CSNK1G1: variants seen among roughly 807,000 people sequenced by gnomAD.
CSNK1G1 encodes casein kinase 1 gamma 1.
A neutral mutation model predicts 59.6 loss-of-function variants in CSNK1G1; 22 were observed. The ratio of observed to expected loss-of-function variants is 0.37; its 90% confidence interval spans 0.26 to 0.53. CSNK1G1 has a LOEUF of 0.53. CSNK1G1 is among the 20% of genes least tolerant of loss of function. CSNK1G1 has a pLI of 0.89. For synonymous variants in CSNK1G1, 179 were observed against 177.1 expected (o/e 1.01, Z -0.08); for missense variants, 384 against 519.5 (o/e 0.74, Z 2.54).
chr15:64,204,736 C>A (rs1260648729), intron 8 of CSNK1G1, 129 bp downstream of exon 8: 8 of 1,146,300 alleles, frequency 7.0e-6, no homozygotes, highest in Non-Finnish European at 1.0e-5. Context: ...GTGATAAAAC[C>A]TACTTTGGTC....
At chr15:64,339,509 C>T (rs542588568) in intron 1 of CSNK1G1, among the ~76,000 whole-genome samples, 7 of 152,184 alleles carry the variant, frequency 4.6e-5, no homozygotes, top group Middle Eastern at 3.4e-3. Flanking sequence ...GACAGGGATT[C>T]GCCATGTTGG....
Position 64,188,423 on chromosome 15 carries a change from T to C in CSNK1G1, c.1108-7969A>G. On this transcript the variant is annotated intron_variant, in intron 10 of 11. Transcript: ENST00000303052. The surrounding 1 kb of genome is among the most constrained non-coding windows in gnomAD (Gnocchi z 4.2). ...CTGCAGCCAAGTGAGACGTTAGGTA[T>C]GAGGTATTGGTCTGCCGGCTGGGCT... 6.5e-7 allele frequency: 1 copy of C among 1,535,722 alleles called. No homozygotes were observed. The highest frequency in any genetic ancestry group is 8.7e-7 in the Non-Finnish European group (1 of 1,146,534).
At chr15:64,273,409 T>C (rs1223504279) in intron 2 of CSNK1G1, among the ~76,000 whole-genome samples, 1 of 152,182 alleles carries the variant, frequency 6.6e-6, no homozygotes, top group Non-Finnish European at 1.5e-5. Flanking sequence ...AGAATAACTA[T>C]TTCACAGAGC....
At position 64,342,131 on chromosome 15, in the gene CSNK1G1, T is replaced by C. The variant is rs28580542; in HGVS notation, c.-225+13857A>G. ...GATTAAAACTTTTCAGACTCAAGTA[T>C]TTTCCTTTTTCTCGTGGCTCTCCAG... On this transcript the variant is annotated intron_variant, in intron 1 of 11. Coordinates refer to ENST00000303052, the MANE Select transcript of CSNK1G1 (RefSeq NM_022048.5). 7.7e-4 allele frequency among the ~76,000 whole-genome samples: 117 copies of C among 152,308 alleles called. 1 individual carries two copies. Among genetic ancestry groups the C allele is most frequent in the African/African-American group, 2.6e-3 (107 of 41,584 alleles).
chr15:64,175,561 A>G (rs2081731827), intron 11 of CSNK1G1, among the ~76,000 whole-genome samples: 1 of 152,158 alleles, frequency 6.6e-6, no homozygotes, highest in Non-Finnish European at 1.5e-5. Flanking sequence ...TGTTATTCCT[A>G]AAAATACATT....
chr15:64,326,257 C>A (rs1282547924), intron 1 of CSNK1G1, among the ~76,000 whole-genome samples: 1 of 152,170 alleles, frequency 6.6e-6, no homozygotes, highest in Non-Finnish European at 1.5e-5. Flanking sequence ...AACTCTTGGC[C>A]TCAAGTGATC....
Position 64,216,728 on chromosome 15 carries a change from G to T in CSNK1G1, c.293-15C>A. On this transcript the variant is annotated splice_polypyrimidine_tract_variant and intron_variant, in intron 4 of 11. Transcript: ENST00000303052. This position sits in a 1 kb window ranked among gnomAD's most constrained non-coding sequence, Gnocchi z 4.6. Reference sequence around the variant, plus strand: ...GAGACCTTCACCTGAAAGCAGAGGGGAAATGGGGGTATACAGTGGGAGACA... The same window carrying T: ...GAGACCTTCACCTGAAAGCAGAGGGTAAATGGGGGTATACAGTGGGAGACA... The T allele has an allele frequency of 6.2e-7, 1 of 1,613,188 alleles. No homozygotes were observed. The highest frequency in any genetic ancestry group is 8.5e-7 in the Non-Finnish European group (1 of 1,179,284).
At chr15:64,302,549 T>C (rs867417725) in intron 1 of CSNK1G1, among the ~76,000 whole-genome samples, 19 of 152,212 alleles carry the variant, frequency 1.2e-4, no homozygotes, top group Non-Finnish European at 2.1e-4. Flanking sequence ...ACTTCCTACA[T>C]GAACAACATT....
chr15:64,184,395 G>A (rs1235469336), intron 10 of CSNK1G1, among the ~76,000 whole-genome samples: 1 of 151,938 alleles, frequency 6.6e-6, no homozygotes, highest in Non-Finnish European at 1.5e-5. Context: ...CTTTATTTGC[G>A]GCCAGGCACG....
rs541623757 is a variant in CSNK1G1, at chr15:64,243,167, C to G, written c.292+8345G>C. On this transcript the variant is annotated intron_variant, in intron 4 of 11. Coordinates refer to ENST00000303052, the MANE Select transcript of CSNK1G1 (RefSeq NM_022048.5). The stretch of plus-strand genomic sequence containing the variant: ...CCTGGCCAACATGGTGATACCCTGT[C>G]TCTACTAAAAATACAAAAATTAGCT... 9.2e-5 allele frequency among the ~76,000 whole-genome samples: 14 copies of G among 152,210 alleles called. No individual in the cohort carries two copies. In the South Asian group the frequency reaches 2.9e-3, roughly 32 times the overall value.
chr15:64,331,749 C>A (rs1306525833), intron 1 of CSNK1G1, among the ~76,000 whole-genome samples: 3 of 147,182 alleles, frequency 2.0e-5, no homozygotes, highest in Admixed American at 6.9e-5. Flanking sequence ...CAACCTACAA[C>A]ATGGGAGAAA....
At chr15:64,336,200 C>A (rs1897381568) in intron 1 of CSNK1G1, among the ~76,000 whole-genome samples, 1 of 152,156 alleles carries the variant, frequency 6.6e-6, no homozygotes, top group Non-Finnish European at 1.5e-5. Flanking sequence ...ATTGAATTGA[C>A]TGTTTTCAAG....
At chr15:64,305,721 C>CA (rs750920098) in intron 1 of CSNK1G1, among the ~76,000 whole-genome samples, 3,375 of 104,570 alleles carry the variant, frequency 0.032, 55 homozygotes, top group Middle Eastern at 0.064. Context: ...AAAACAAAAA[C>CA]AAAAAAAAAA....
intron 10 of CSNK1G1, among the ~76,000 whole-genome samples, chr15:64,184,461 G>GAGCTCAGC (rs1423502794): frequency 6.6e-6 from 1 of 152,038 alleles, no homozygotes; most frequent in Non-Finnish European, 1.5e-5. Flanking sequence ...TGGATTGCCT[G>GAGCTCAGC]AGCTCAGCAG....
intron 4 of CSNK1G1, among the ~76,000 whole-genome samples, chr15:64,234,202 ACACC>A (rs922318830): frequency 6.6e-6 from 1 of 152,108 alleles, no homozygotes; most frequent in African/African-American, 2.4e-5. Context: ...ATATTTTCAA[ACACC>A]CCCCTCACCC....
chr15:64,249,075 T>A (rs143863192), intron 4 of CSNK1G1, among the ~76,000 whole-genome samples: 1 of 152,190 alleles, frequency 6.6e-6, no homozygotes, highest in Non-Finnish European at 1.5e-5. Flanking sequence ...TGAGCCGAGA[T>A]AGTGCCACTG....
chr15:64,268,299 G>A (rs149674966), intron 2 of CSNK1G1, among the ~76,000 whole-genome samples: 1 of 152,296 alleles, frequency 6.6e-6, no homozygotes, highest in African/African-American at 2.4e-5. Flanking sequence ...GAACAGAATG[G>A]TGGTTATCAG....
intron 4 of CSNK1G1, among the ~76,000 whole-genome samples, chr15:64,235,886 G>C (rs2082607587): frequency 6.6e-6 from 1 of 151,912 alleles, no homozygotes; most frequent in African/African-American, 2.4e-5. Flanking sequence ...GGAAGAAAGA[G>C]AAAAAAGATA....
intron 10 of CSNK1G1, among the ~76,000 whole-genome samples, chr15:64,198,192 CTTTTTTTT>C (rs893282431): frequency 1.6e-3 from 174 of 110,568 alleles, no homozygotes; most frequent in Admixed American, 3.1e-3. Context: ...ACAGGATATA[CTTTTTTTT>C]TTTTTTTTTT....
Sources: gnomAD v4.1 joint callset for allele counts (sites outside exome capture counted in the v4.1 genomes callset) on GRCh38, gnomAD v4.1.1 for gene constraint, Gnocchi (gnomAD v3.1) non-coding constraint, MANE v1.5 for transcripts, NCBI Gene and HGNC (gene_info 2026-07-23, HGNC 2026-07-21) for gene names.